The following SORCS2 variants were observed in gnomAD, a reference collection of about 807,000 sequenced individuals.
The protein encoded by SORCS2 is VPS10 domain-containing receptor SorCS2.
SORCS2 carries 100 observed loss-of-function variants against 141.6 expected under a neutral mutation model. That is an observed-to-expected ratio of 0.71 (90% CI 0.60 to 0.83). The LOEUF is 0.83. Ranked by LOEUF, SORCS2 falls within the 40% of genes least tolerant of loss-of-function variation. The pLI is 0.00. For synonymous variants in SORCS2, 789 were observed against 676.9 expected (o/e 1.17, Z -2.57); for missense variants, 1,646 against 1,560.2 (o/e 1.05, Z -0.93).
chr4:7,309,902 G>A (rs971406716), intron 1 of SORCS2, among the ~76,000 whole-genome samples: 2 of 152,218 alleles, frequency 1.3e-5, no homozygotes, highest in Admixed American at 6.5e-5. Context: ...TGCCCTCTCC[G>A]GAGCAGCTCT....
chr4:7,204,936 G>A (rs1046882983), intron 1 of SORCS2, among the ~76,000 whole-genome samples: 1 of 152,196 alleles, frequency 6.6e-6, no homozygotes, highest in Non-Finnish European at 1.5e-5. Flanking sequence ...CCAAGTTCAA[G>A]CCCATTTCTC....
chr4:7,385,432 G>A (rs1291707465), intron 1 of SORCS2, among the ~76,000 whole-genome samples: 1 of 152,202 alleles, frequency 6.6e-6, no homozygotes, highest in Non-Finnish European at 1.5e-5. Context: ...TGAAGGGAAG[G>A]GGCCAGCAGG....
At chr4:7,340,486 G>C (rs561862565) in intron 1 of SORCS2, among the ~76,000 whole-genome samples, 2 of 152,356 alleles carry the variant, frequency 1.3e-5, no homozygotes, top group Admixed American at 1.3e-4. Flanking sequence ...ACCCTGGAAG[G>C]TGCCAGCTTC....
chr4:7,728,460 A>C lies in SORCS2; in HGVS notation c.2980A>C (p.Lys994Gln). 3 of 1,609,850 alleles carry C rather than the reference A, an allele frequency of 1.9e-6. No homozygotes were observed. Among genetic ancestry groups the C allele is most frequent in the Non-Finnish European group, 2.5e-6 (3 of 1,178,014 alleles). Residue 994 changes from lysine (K) to glutamine (Q), a missense_variant and splice_region_variant, in exon 22 of 27, where the codon AAG becomes CAG. Lys to Gln is a moderately conservative substitution (Grantham distance 53). Transcript: ENST00000507866. ...CCTGGTGGTCACCCGGCTGCTCTCC[A>C]AGGTGTCCACCCAGAGCCTAGAGCC... Reference protein sequence around the residue: ...VGLVVTRLLSKETSVPQELLV... With the variant: ...VGLVVTRLLSQETSVPQELLV...
At chr4:7,703,988 C>A (rs190988756) in intron 13 of SORCS2, among the ~76,000 whole-genome samples, 189 bp from the exon 14 acceptor site, 3 of 152,334 alleles carry the variant, frequency 2.0e-5, no homozygotes, top group African/African-American at 7.2e-5. Flanking sequence ...CAGTACAATG[C>A]AGATAAGCAG....
intron 3 of SORCS2, among the ~76,000 whole-genome samples, chr4:7,637,472 T>C (rs1341450177): frequency 3.9e-5 from 6 of 152,244 alleles, no homozygotes; most frequent in Non-Finnish European, 8.8e-5. Flanking sequence ...AGCGCTCACC[T>C]GTCTTGGCTC....
At chr4:7,382,009 A>G (rs944696783) in intron 1 of SORCS2, 5 of 984,518 alleles carry the variant, frequency 5.1e-6, no homozygotes, top group Non-Finnish European at 6.0e-6. Context: ...AGGACCAGGG[A>G]CACAAGGAAG....
rs545130350 is a variant in SORCS2 at position 7,511,431 on chromosome 4, G to A, written c.549-20099G>A. ...AGAGGGGGAGGGAGAGAGGGGCGGG[G>A]TTGGGGAGACACACACACACACACA... On this transcript the variant is annotated intron_variant, in intron 2 of 26. Coordinates refer to ENST00000507866, the MANE Select transcript of SORCS2 (RefSeq NM_020777.3). 4.5e-3 allele frequency among the ~76,000 whole-genome samples: 354 copies of A among 77,952 alleles called. 5 individuals carry two copies. The highest frequency in any genetic ancestry group is 9.9e-3 in the African/African-American group (312 of 31,406). 51.1% of individuals were successfully genotyped at this position (77,952 alleles called of 152,430 possible).
rs913635473 is a variant in SORCS2, at chr4:7,663,197, AGAGTGAATGAGT to A, written c.953-1136_953-1125del. Among the ~76,000 whole-genome samples, 71 of 151,508 alleles carry A rather than the reference AGAGTGAATGAGT, an allele frequency of 4.7e-4. No homozygotes were observed. The East Asian group carries it at 0.012, about 26-fold the overall frequency. ...GATGAGTGAATGAGTGAGTGAGTGA[AGAGTGAATGAGT>A]GAGTGAATGAGTGAGTGAAGAGTGA... On this transcript the variant is annotated intron_variant, in intron 6 of 26. Transcript: ENST00000507866. The surrounding 1 kb of genome is among the most constrained non-coding windows in gnomAD (Gnocchi z 4.8).
chr4:7,509,277 T>C (rs1379055003), intron 2 of SORCS2, among the ~76,000 whole-genome samples: 1 of 151,976 alleles, frequency 6.6e-6, no homozygotes, highest in Non-Finnish European at 1.5e-5. Flanking sequence ...TAGCAGGAAC[T>C]AGAATCAGTG....
chr4:7,461,141 C>T (rs138884634), intron 2 of SORCS2, among the ~76,000 whole-genome samples: 1 of 151,986 alleles, frequency 6.6e-6, no homozygotes, highest in Non-Finnish European at 1.5e-5. Context: ...TGCGGTGATT[C>T]GATCAGTGAT....
chr4:7,603,605 T>G (rs1577826641), intron 3 of SORCS2, among the ~76,000 whole-genome samples: 2 of 152,260 alleles, frequency 1.3e-5, no homozygotes, highest in African/African-American at 2.4e-5. Context: ...TCTTTAAACA[T>G]GTGAACATCA....
At chr4:7,533,007 C>T (rs1711789139) in intron 3 of SORCS2, among the ~76,000 whole-genome samples, 1 of 151,134 alleles carries the variant, frequency 6.6e-6, no homozygotes, top group Non-Finnish European at 1.5e-5. Context: ...CCTGAGCCAG[C>T]CCCTGCTTCT....
intron 12 of SORCS2, among the ~76,000 whole-genome samples, chr4:7,700,876 G>A (rs566624004): frequency 7.2e-5 from 11 of 152,348 alleles, no homozygotes; most frequent in African/African-American, 2.4e-4. Flanking sequence ...CAGAGTCCCC[G>A]TGGAAGGGGC....
intron 1 of SORCS2, among the ~76,000 whole-genome samples, chr4:7,319,533 T>A (rs898722934): frequency 2.6e-5 from 4 of 152,046 alleles, no homozygotes; most frequent in African/African-American, 9.7e-5. Context: ...AGTGAGATCC[T>A]ATCTCTACAT....
At chr4:7,447,964 G>A (rs774156146) in intron 2 of SORCS2, among the ~76,000 whole-genome samples, 4 of 151,994 alleles carry the variant, frequency 2.6e-5, no homozygotes, top group Non-Finnish European at 2.9e-5. Flanking sequence ...TCCCATCCAC[G>A]CCTGCTCGGT....
In SORCS2 at chr4:7,531,530, G is replaced by C. The variant is rs1711650390; in HGVS notation, c.549G>C (p.Arg183=). ...MGKVLESSLW[R]SSDFGTSYTK... is the part of the protein sequence containing the mutation. ...GACGGCTGTCCCCCTTTTCCCCCAG[G>C]TCATCAGATTTCGGGACGTCCTACA... The change falls in exon 3 of 27, where the codon CGG becomes CGC. Residue 183 remains arginine, a splice_region_variant and synonymous_variant. Coordinates refer to ENST00000507866, the MANE Select transcript of SORCS2 (RefSeq NM_020777.3). The C allele has an allele frequency of 6.2e-7, 1 of 1,613,640 alleles. No individual in the cohort carries two copies. Among genetic ancestry groups the C allele is most frequent in the Non-Finnish European group, 8.5e-7 (1 of 1,179,718 alleles).
intron 3 of SORCS2, among the ~76,000 whole-genome samples, chr4:7,610,163 T>C (rs1341664229): frequency 6.6e-6 from 1 of 152,194 alleles, no homozygotes; most frequent in Non-Finnish European, 1.5e-5. Context: ...CTGAAACTAC[T>C]GAACAGCAAA....
chr4:7,214,497 T>C (rs535846740), intron 1 of SORCS2, among the ~76,000 whole-genome samples: 1 of 152,356 alleles, frequency 6.6e-6, no homozygotes, highest in East Asian at 1.9e-4. Flanking sequence ...CAGTCTGTGG[T>C]ATTCTGTTAC....
Sources: allele counts gnomAD v4.1 joint callset (sites outside exome capture counted in the v4.1 genomes callset), GRCh38; gene constraint gnomAD v4.1.1; non-coding constraint Gnocchi (gnomAD v3.1); transcripts MANE v1.5; gene names NCBI Gene and HGNC (gene_info 2026-07-23, HGNC 2026-07-21).